The following ERC1 variants were observed in gnomAD, a reference collection of about 807,000 sequenced individuals.
ERC1 encodes the protein RAB6 interacting protein 2.
Under a neutral mutation model 132.0 loss-of-function variants are expected in ERC1, and 56 were observed. The observed-to-expected ratio is 0.42, with a 90% CI of 0.34 to 0.53. The LOEUF (loss-of-function observed/expected upper bound fraction) is 0.53, where lower values mean the gene tolerates loss of function less well. Ranked by LOEUF, ERC1 falls within the 20% of genes least tolerant of loss-of-function variation. The probability of loss-of-function intolerance (pLI) is 0.03; values close to 1 mark genes in which losing one functional copy is unlikely to be tolerated. For missense variants in ERC1, 1,202 were observed against 1,349.9 expected (o/e 0.89, Z 1.72); for synonymous variants, 478 against 476.1 (o/e 1.00, Z -0.05).
At chr12:1,097,917 G>A (rs1319477198) in intron 3 of ERC1, among the ~76,000 whole-genome samples, 1 of 152,108 alleles carries the variant, frequency 6.6e-6, no homozygotes. Flanking sequence ...GTTTTGCCAT[G>A]TTTGCCAGGC....
rs1272561487 is a variant in ERC1 at position 1,185,734 on chromosome 12, T to TG, written c.2157+2313_2157+2314insG. On this transcript the variant is annotated intron_variant, in intron 11 of 18. Coordinates refer to ENST00000360905, the MANE Select transcript of ERC1 (RefSeq NM_178040.4). ...CCCGAAATAGGAACTCTAGGTTGTT[T>TG]TTTTTTTTTTTTAATTTATATTGAG... Among the ~76,000 whole-genome samples, 15 of 151,700 alleles carry TG rather than the reference T, an allele frequency of 9.9e-5. 1 individual carries two copies. Among genetic ancestry groups the TG allele is most frequent in the African/African-American group, 3.6e-4 (15 of 41,406 alleles).
chr12:1,465,010 G>A lies in ERC1; in HGVS notation c.3213+20260G>A, dbSNP rs965800057. Among the ~76,000 whole-genome samples, 6 of 151,986 alleles carry A rather than the reference G, an allele frequency of 3.9e-5. No homozygotes were observed. The East Asian group carries it at 5.8e-4, about 15-fold the overall frequency. On this transcript the variant is annotated intron_variant, in intron 18 of 18. Coordinates refer to ENST00000360905, the MANE Select transcript of ERC1 (RefSeq NM_178040.4). ...ATTGCTTTTTTCCTTTGTGTTGAAC[G>A]TATTCCCATGGGAGAAGAAAGTTCA...
intron 12 of ERC1, chr12:1,204,384 C>T (rs986184030): frequency 1.3e-6 from 1 of 776,578 alleles, no homozygotes; most frequent in Non-Finnish European, 2.1e-6. Flanking sequence ...TGACTCCTTC[C>T]CTTCTCTAAT....
chr12:1,155,763 G>A (rs1368736122), intron 8 of ERC1, among the ~76,000 whole-genome samples: 2 of 151,898 alleles, frequency 1.3e-5, no homozygotes, highest in African/African-American at 2.4e-5. Context: ...GAGCCACCGC[G>A]CCCTGCTGAT....
intron 16 of ERC1, among the ~76,000 whole-genome samples, chr12:1,376,016 G>A (rs935970099): frequency 5.3e-5 from 8 of 152,082 alleles, no homozygotes; most frequent in African/African-American, 1.2e-4. Flanking sequence ...GATTACAGGC[G>A]TGAGCCACCG....
At chr12:1,026,487 T>A (rs1402760098) in intron 1 of ERC1, among the ~76,000 whole-genome samples, 1 of 152,238 alleles carries the variant, frequency 6.6e-6, no homozygotes, top group South Asian at 2.1e-4. Flanking sequence ...TTTTCGTTAT[T>A]ATAGTTTTAC....
chr12:1,018,370 A>G (rs1965843878), intron 1 of ERC1, among the ~76,000 whole-genome samples: 2 of 152,108 alleles, frequency 1.3e-5, no homozygotes, highest in Non-Finnish European at 2.9e-5. Context: ...GTGCGCCACC[A>G]TGCCTGGCTA....
At chr12:1,122,559 ATCTCTATCTGTGTC>A (rs1566021221) in intron 7 of ERC1, among the ~76,000 whole-genome samples, 19 of 28,700 alleles carry the variant, frequency 6.6e-4, no homozygotes, top group Admixed American at 1.5e-3. Flanking sequence ...CTCTATCTCT[ATCTCTATCTGTGTC>A]TCTATCTCTA....
chr12:1,124,808 A>G (rs1947970533), intron 7 of ERC1, among the ~76,000 whole-genome samples: 1 of 152,124 alleles, frequency 6.6e-6, no homozygotes, highest in Non-Finnish European at 1.5e-5. Context: ...ATTATATTCG[A>G]ATAAGCTTGA....
intron 12 of ERC1, among the ~76,000 whole-genome samples, chr12:1,210,668 T>C (rs1250243635): frequency 6.6e-6 from 1 of 152,202 alleles, no homozygotes; most frequent in African/African-American, 2.4e-5. Context: ...TTTGGGATAG[T>C]TGCTGTCAAT....
chr12:1,441,920 A>G (rs565361425), intron 17 of ERC1, among the ~76,000 whole-genome samples: 1 of 152,246 alleles, frequency 6.6e-6, no homozygotes, highest in Non-Finnish European at 1.5e-5. Context: ...CACAATGAGT[A>G]TACTTTTTGT....
intron 12 of ERC1, among the ~76,000 whole-genome samples, chr12:1,198,140 C>T (rs1268210993): frequency 6.6e-6 from 1 of 152,036 alleles, no homozygotes; most frequent in Non-Finnish European, 1.5e-5. Flanking sequence ...ATAGCCTAGG[C>T]TGGTCTCGAA....
chr12:1,062,270 A>C (rs757505142), intron 2 of ERC1, among the ~76,000 whole-genome samples: 5 of 151,764 alleles, frequency 3.3e-5, no homozygotes, highest in African/African-American at 4.8e-5. Context: ...GTGTGAGCCA[A>C]TGCGCCCGGC....
chr12:1,475,248 TA>T (rs2093947459), intron 18 of ERC1, among the ~76,000 whole-genome samples: 2 of 152,234 alleles, frequency 1.3e-5, no homozygotes, highest in African/African-American at 4.8e-5. Flanking sequence ...AATTTGAACT[TA>T]AATAGCTCTT....
chr12:1,460,549 A>G (rs961629848), intron 18 of ERC1, among the ~76,000 whole-genome samples: 2 of 152,200 alleles, frequency 1.3e-5, no homozygotes, highest in Non-Finnish European at 2.9e-5. Flanking sequence ...AAACATTACA[A>G]GAAGGCAGGT....
intron 14 of ERC1, among the ~76,000 whole-genome samples, chr12:1,284,198 G>T (rs2078884299): frequency 6.6e-6 from 1 of 151,246 alleles, no homozygotes; most frequent in African/African-American, 2.4e-5. Context: ...TTAACATAAT[G>T]TTCTCCAGTT....
chr12:1,271,781 A>C (rs190999912), intron 14 of ERC1, among the ~76,000 whole-genome samples: 1 of 152,162 alleles, frequency 6.6e-6, no homozygotes, highest in Non-Finnish European at 1.5e-5. Context: ...CTTTACACCA[A>C]TATTTCCTTG....
At chr12:1,315,594 G>A (rs1024920604) in intron 15 of ERC1, among the ~76,000 whole-genome samples, 11 of 152,188 alleles carry the variant, frequency 7.2e-5, no homozygotes, top group East Asian at 1.9e-4. Context: ...CAGGGGATCC[G>A]CACTTTTGGA....
chr12:1,282,519 C>T (rs2078749894), intron 14 of ERC1, among the ~76,000 whole-genome samples: 1 of 151,960 alleles, frequency 6.6e-6, no homozygotes, highest in Non-Finnish European at 1.5e-5. Flanking sequence ...AAAGAATTAC[C>T]ATGAGTTGGC....
Sources: gnomAD v4.1 joint callset for allele counts (sites outside exome capture counted in the v4.1 genomes callset) on GRCh38, gnomAD v4.1.1 for gene constraint, MANE v1.5 for transcripts, NCBI Gene and HGNC (gene_info 2026-07-23, HGNC 2026-07-21) for gene names.